NSRP1: variants seen among roughly 807,000 people sequenced by gnomAD.
NSRP1 encodes coiled-coil domain containing 55.
A neutral mutation model predicts 54.7 loss-of-function variants in NSRP1; 24 were observed. That is an observed-to-expected ratio of 0.44 (90% CI 0.32 to 0.62). NSRP1 has a LOEUF of 0.62. Ranked by LOEUF, NSRP1 falls within the 20% of genes least tolerant of loss-of-function variation. The pLI is 0.06. For synonymous variants in NSRP1, 210 were observed against 213.8 expected, an observed-to-expected ratio of 0.98 and a Z score of 0.15; for missense variants, 596 against 651.2, an observed-to-expected ratio of 0.92 and a Z score of 0.92.
intron 2 of NSRP1, among the ~76,000 whole-genome samples, chr17:30,146,824 C>G (rs553994635): frequency 3.9e-4 from 60 of 152,234 alleles, no homozygotes; most frequent in African/African-American, 1.4e-3. Flanking sequence ...AGGCTGGCCT[C>G]AAGCAGTCTG....
intron 2 of NSRP1, among the ~76,000 whole-genome samples, chr17:30,135,311 C>T (rs2071739674): frequency 1.3e-5 from 2 of 148,266 alleles, no homozygotes; most frequent in African/African-American, 5.0e-5. Flanking sequence ...TTTGTAGAGA[C>T]AGGATTTCAC....
At chr17:30,140,593 A>C (rs2071795834) in intron 2 of NSRP1, among the ~76,000 whole-genome samples, 1 of 120,228 alleles carries the variant, frequency 8.3e-6, no homozygotes, top group Admixed American at 1.2e-4. Context: ...CAGTGGCGTG[A>C]TCTCGGCTCA....
chr17:30,131,944 T>A (rs1198254116), intron 2 of NSRP1, among the ~76,000 whole-genome samples: 4 of 152,108 alleles, frequency 2.6e-5, no homozygotes, highest in Non-Finnish European at 5.9e-5. Flanking sequence ...ATGAGTAGAT[T>A]CTATATAAAG....
At chr17:30,134,820 T>C (rs1000872718) in intron 2 of NSRP1, among the ~76,000 whole-genome samples, 10 of 152,204 alleles carry the variant, frequency 6.6e-5, no homozygotes, top group Admixed American at 5.9e-4. Context: ...AAAGATCAGG[T>C]TGACTTCAAA....
rs377081681 is a variant in NSRP1 at position 30,118,032 on chromosome 17, C to T, written c.21-48C>T. The stretch of plus-strand genomic sequence containing the variant: ...AAGAGGTAGTAGATGTATTTGTTAA[C>T]ATTTAAACATAAAGGTTTAATTTCT... On this transcript the variant is annotated intron_variant, in intron 1 of 6. Transcript: ENST00000247026. 97 of 1,422,360 alleles carry T rather than the reference C, an allele frequency of 6.8e-5. 1 individual carries two copies. The highest frequency in any genetic ancestry group is 4.3e-4 in the Admixed American group (25 of 57,858). 88.1% of individuals were successfully genotyped at this position (1,422,360 alleles called of 1,614,324 possible). A position where few individuals can be genotyped will look rare whatever the true frequency, so the allele number is the denominator to read the frequency against.
intron 2 of NSRP1, among the ~76,000 whole-genome samples, chr17:30,159,193 C>T (rs1904422233): frequency 6.6e-6 from 1 of 151,892 alleles, no homozygotes; most frequent in Non-Finnish European, 1.5e-5. Flanking sequence ...AAAATTTATT[C>T]CTAGGGTTTT....
chr17:30,164,263 C>T (rs979618216), intron 2 of NSRP1, among the ~76,000 whole-genome samples: 26 of 152,052 alleles, frequency 1.7e-4, no homozygotes, highest in African/African-American at 6.0e-4. Context: ...AGCATGTTTA[C>T]TGAATTAAGT....
intron 2 of NSRP1, among the ~76,000 whole-genome samples, chr17:30,171,972 A>T (rs201742777): frequency 0.016 from 719 of 46,246 alleles, 3 homozygotes; most frequent in South Asian, 0.039. Flanking sequence ...ACACACACAC[A>T]CTCCCTCTCT....
Position 30,180,999 on chromosome 17 carries a change from C to G in NSRP1, c.600C>G (p.Cys200Trp), listed in dbSNP as rs1213958963. The G allele has an allele frequency of 6.2e-7, 1 of 1,608,282 alleles. No homozygotes were observed. The part of the protein sequence containing the change: ...QAVGEEEVPK[C>W]SFREARSGIK... The stretch of plus-strand genomic sequence containing the variant: ...TTGGTGAAGAGGAAGTACCTAAATG[C>G]AGCTTTCGTGAAGCCAGGTGAGGAG... Residue 200 changes from cysteine (C) to tryptophan (W), a missense_variant, in exon 6 of 7, where the codon TGC becomes TGG. By Grantham distance (215) the Cys-to-Trp change is radical (BLOSUM62 -2). Coordinates refer to ENST00000247026, the MANE Select transcript of NSRP1 (RefSeq NM_032141.4).
intron 3 of NSRP1, among the ~76,000 whole-genome samples, chr17:30,176,033 G>C (rs1313003903): frequency 6.6e-6 from 1 of 151,200 alleles, no homozygotes; most frequent in Non-Finnish European, 1.5e-5. Flanking sequence ...AAAAGAAAAT[G>C]TTCTCTATGT....
chr17:30,149,211 T>C (rs1162355572), intron 2 of NSRP1, among the ~76,000 whole-genome samples: 1 of 152,194 alleles, frequency 6.6e-6, no homozygotes, highest in Non-Finnish European at 1.5e-5. Flanking sequence ...TATTCTTTTA[T>C]TTAATTTTTA....
intron 2 of NSRP1, among the ~76,000 whole-genome samples, chr17:30,127,424 CT>C (rs1451531673): frequency 6.6e-6 from 1 of 151,994 alleles, no homozygotes; most frequent in African/African-American, 2.4e-5. Flanking sequence ...AATTGTTGCA[CT>C]TTTTTTGGAG....
intron 2 of NSRP1, among the ~76,000 whole-genome samples, chr17:30,125,131 G>A (rs536816997): frequency 2.9e-4 from 44 of 152,254 alleles, no homozygotes; most frequent in African/African-American, 9.9e-4. Context: ...TGGAGGCAGA[G>A]GTTGAGTGAG....
chr17:30,117,089 T>G, intron 1 of NSRP1: 1 of 766,188 alleles, frequency 1.3e-6, no homozygotes, highest in Non-Finnish European at 2.4e-6. Context: ...ATAAAGGAAG[T>G]TAGGCTGAGG....
chr17:30,159,654 A>G (rs2143005696), intron 2 of NSRP1, among the ~76,000 whole-genome samples: 1 of 151,552 alleles, frequency 6.6e-6, no homozygotes, highest in South Asian at 2.1e-4. Context: ...TTTTATTTTT[A>G]TTTATTTGTT....
chr17:30,184,991 T>C lies in NSRP1; in HGVS notation c.994T>C (p.Tyr332His), dbSNP rs1905464686. ...QKQSRDQENH[Y>H]TDRDYRKERD... ...GCAATCCAGAGACCAAGAGAACCAT[T>C]ACACTGACCGTGATTACCGGAAAGA... is the stretch of plus-strand genomic sequence containing the variant. Residue 332 changes from tyrosine to histidine, a missense_variant, in exon 7 of 7, where the codon TAC becomes CAC. Physicochemically the swap from Tyr to His is moderately conservative, Grantham distance 83 (BLOSUM62 2). Transcript: ENST00000247026. 11 of 1,613,744 alleles carry C rather than the reference T, an allele frequency of 6.8e-6. No homozygotes were observed. The highest frequency in any genetic ancestry group is 8.5e-6 in the Non-Finnish European group (10 of 1,179,978).
intron 4 of NSRP1, among the ~76,000 whole-genome samples, 156 bp downstream of exon 4, chr17:30,178,355 C>G (rs1406721738): frequency 2.0e-5 from 3 of 152,154 alleles, no homozygotes; most frequent in Non-Finnish European, 4.4e-5. Flanking sequence ...TTGTAGAACT[C>G]AAGCAGCACT....
intron 2 of NSRP1, among the ~76,000 whole-genome samples, chr17:30,145,531 C>T (rs539719996): frequency 6.6e-6 from 1 of 152,046 alleles, no homozygotes; most frequent in Non-Finnish European, 1.5e-5. Flanking sequence ...TGCAGCGAGC[C>T]GAGATCACGC....
chr17:30,138,250 C>A (rs1268072558), intron 2 of NSRP1, among the ~76,000 whole-genome samples: 1 of 152,154 alleles, frequency 6.6e-6, no homozygotes, highest in African/African-American at 2.4e-5. Context: ...ATGCCTGGAC[C>A]TTTTGGCTGT....
Sources: gnomAD v4.1 joint callset for allele counts (sites outside exome capture counted in the v4.1 genomes callset) on GRCh38, gnomAD v4.1.1 for gene constraint, MANE v1.5 for transcripts, NCBI Gene and HGNC (gene_info 2026-07-23, HGNC 2026-07-21) for gene names.